The following PPP1R12B variants were observed in gnomAD, a reference collection of about 807,000 sequenced individuals.
PPP1R12B encodes the protein myosin phosphatase target subunit 2.
A neutral mutation model predicts 126.1 loss-of-function variants in PPP1R12B; 76 were observed. That is an observed-to-expected ratio of 0.60 (90% CI 0.50 to 0.73). The LOEUF (loss-of-function observed/expected upper bound fraction) is 0.73, where lower values mean the gene tolerates loss of function less well. Ranked by LOEUF, PPP1R12B falls within the 30% of genes least tolerant of loss-of-function variation. The pLI, the probability that PPP1R12B is intolerant of heterozygous loss-of-function variation, is 0.00. For missense variants in PPP1R12B, 1,052 were observed against 1,205.1 expected (o/e 0.87, Z 1.88); for synonymous variants, 356 against 434.7 (o/e 0.82, Z 2.25).
Position 202,495,342 on chromosome 1 carries a change from C to T in PPP1R12B, c.2195C>T (p.Thr732Met), listed in dbSNP as rs143792888. ...CCAGCTCAGCCAGACAAACCCACCA[C>T]GCCAGCATCTCCTTCTACGTCAAGA... The part of the protein sequence containing the change: ...RCPAQPDKPT[T>M]PASPSTSRPS... The change falls in exon 16 of 24, where the codon ACG (threonine) becomes ATG (methionine). Residue 732 changes from threonine (T) to methionine (M), a missense_variant. Coordinates refer to ENST00000608999, the MANE Select transcript of PPP1R12B (RefSeq NM_002481.4). 5.8e-5 allele frequency: 93 copies of T among 1,597,496 alleles called. No individual in the cohort carries two copies. Among genetic ancestry groups the T allele is most frequent in the African/African-American group, 3.9e-4 (29 of 74,628 alleles).
At chr1:202,574,935 C>A (rs1328627665) in intron 23 of PPP1R12B, 3 of 1,395,004 alleles carry the variant, frequency 2.2e-6, no homozygotes, top group Non-Finnish European at 2.9e-6. Context: ...CTACTTTTCT[C>A]TCCTCTGGTC....
intron 7 of PPP1R12B, 142 bp from the exon 8 acceptor site, chr1:202,431,338 G>A (rs1670159341): frequency 4.7e-6 from 3 of 633,758 alleles, no homozygotes; most frequent in Admixed American, 7.8e-5. Context: ...AAAAATGAAG[G>A]GTTTGGAAGA....
intron 20 of PPP1R12B, among the ~76,000 whole-genome samples, chr1:202,563,824 T>C (rs571720925): frequency 3.3e-5 from 5 of 152,262 alleles, no homozygotes; most frequent in East Asian, 3.9e-4. Context: ...TCCCAGCACG[T>C]TGGGAGGGTG....
At chr1:202,467,444 A>G (rs1256393709) in intron 13 of PPP1R12B, among the ~76,000 whole-genome samples, 2 of 150,934 alleles carry the variant, frequency 1.3e-5, no homozygotes, top group Non-Finnish European at 1.5e-5. Flanking sequence ...CTCATTGTTC[A>G]ATTCCCACCT....
At chr1:202,491,785 T>C (rs1459260674) in intron 14 of PPP1R12B, among the ~76,000 whole-genome samples, 3 of 152,216 alleles carry the variant, frequency 2.0e-5, no homozygotes, top group Admixed American at 2.0e-4. Flanking sequence ...CTCGTTGAAA[T>C]GTGTACATAA....
intron 3 of PPP1R12B, among the ~76,000 whole-genome samples, chr1:202,423,187 G>T (rs1669038659): frequency 1.3e-5 from 2 of 152,154 alleles, no homozygotes; most frequent in Admixed American, 6.5e-5. Flanking sequence ...ATTTGTTAAG[G>T]TGAGGAAGCT....
At chr1:202,459,893 A>G (rs888155365) in intron 13 of PPP1R12B, among the ~76,000 whole-genome samples, 6 of 152,230 alleles carry the variant, frequency 3.9e-5, no homozygotes. Flanking sequence ...ATAGAAACCA[A>G]CAAGGTCATC....
chr1:202,454,410 T>A (rs917650342), intron 13 of PPP1R12B, among the ~76,000 whole-genome samples: 3 of 152,222 alleles, frequency 2.0e-5, no homozygotes, highest in African/African-American at 4.8e-5. Flanking sequence ...CTGGATATGT[T>A]CTAGCATTCA....
chr1:202,558,040 T>C (rs1378331455), intron 18 of PPP1R12B, among the ~76,000 whole-genome samples: 1 of 152,116 alleles, frequency 6.6e-6, no homozygotes, highest in Non-Finnish European at 1.5e-5. Flanking sequence ...CTTCCTCCTC[T>C]TGTCTGTCTT....
At chr1:202,550,841 T>C (rs1686233471) in intron 18 of PPP1R12B, among the ~76,000 whole-genome samples, 1 of 152,226 alleles carries the variant, frequency 6.6e-6, no homozygotes, top group African/African-American at 2.4e-5. Flanking sequence ...ATTATACATA[T>C]AAAATGGCTT....
At chr1:202,367,301 T>C (rs1659406016) in intron 1 of PPP1R12B, among the ~76,000 whole-genome samples, 1 of 152,196 alleles carries the variant, frequency 6.6e-6, no homozygotes, top group Non-Finnish European at 1.5e-5. Flanking sequence ...CATAGTTGGT[T>C]TCTAATCCTG....
chr1:202,349,135 T>C lies in PPP1R12B; in HGVS notation c.284T>C (p.Leu95Pro), dbSNP rs1296833991. The C allele has an allele frequency of 3.7e-6, 6 of 1,613,898 alleles. No individual in the cohort carries two copies. The Admixed American group carries it at 6.7e-5, about 18-fold the overall frequency. ...GTCAACGTGGACGGCTTGACAGCCCTGCACCAGGTAACTCCTTTCTTGGTC... is the reference window on the plus strand; with the variant it reads ...GTCAACGTGGACGGCTTGACAGCCCCGCACCAGGTAACTCCTTTCTTGGTC... ...NTVNVDGLTA[L>P]HQACIDENLD... is the part of the protein sequence containing the mutation. The change falls in exon 1 of 24, where the codon CTG (leucine) becomes CCG (proline). Residue 95 changes from leucine to proline, a missense_variant. Transcript: ENST00000608999.
intron 13 of PPP1R12B, among the ~76,000 whole-genome samples, chr1:202,481,618 A>T (rs577627108): frequency 4.3e-4 from 66 of 152,280 alleles, no homozygotes; most frequent in African/African-American, 1.5e-3. Context: ...CACATTACAT[A>T]TTTATGGAGG....
intron 10 of PPP1R12B, chr1:202,439,116 A>C: frequency 6.4e-7 from 1 of 1,563,478 alleles, no homozygotes. Flanking sequence ...ATGACGTTCG[A>C]GGAGGAGGAG....
Position 202,399,497 on chromosome 1 carries a change from G to A in PPP1R12B, c.292-17290G>A, listed in dbSNP as rs190701732. ...GCTGGGATTACAGGTGTGAGCCACC[G>A]CACCTTTTTTTTTTTTTGAAATGGA... On this transcript the variant is annotated intron_variant, in intron 1 of 23. Transcript: ENST00000608999. Among the ~76,000 whole-genome samples the A allele has an allele frequency of 3.2e-3, 482 of 150,654 alleles. 4 individuals are homozygous for A. The highest frequency in any genetic ancestry group is 4.2e-3 in the Non-Finnish European group (286 of 67,710).
At chr1:202,474,732 G>A (rs1324012174) in intron 13 of PPP1R12B, among the ~76,000 whole-genome samples, 2 of 152,150 alleles carry the variant, frequency 1.3e-5, no homozygotes, top group Admixed American at 1.3e-4. Flanking sequence ...CAGTAGCCAT[G>A]TGTGGCTACT....
At chr1:202,549,094 G>A (rs1378067390) in intron 18 of PPP1R12B, among the ~76,000 whole-genome samples, 1 of 152,050 alleles carries the variant, frequency 6.6e-6, no homozygotes, top group Admixed American at 6.5e-5. Context: ...CCTATTGGGG[G>A]TATGAAAGTG....
Position 202,430,744 on chromosome 1 carries a change from A to G in PPP1R12B, c.935A>G (p.Lys312Arg). The change falls in exon 7 of 24, where the codon AAG (lysine) becomes AGG (arginine). Residue 312 changes from lysine to arginine, a missense_variant. Physicochemically the swap from Lys to Arg is conservative, Grantham distance 26. Transcript: ENST00000608999. ...CTCCATTTCCAGCTTCGAAGTGAAA[A>G]GGAGACACGGAATAAACTCATTGAG... is the stretch of plus-strand genomic sequence containing the variant. ...QKKQNVLRSE[K>R]ETRNKLIESD... is the part of the protein sequence containing the mutation. 1 of 1,612,494 alleles carries G rather than the reference A, an allele frequency of 6.2e-7. No individual in the cohort carries two copies. Among genetic ancestry groups the G allele is most frequent in the Non-Finnish European group, 8.5e-7 (1 of 1,179,092 alleles).
chr1:202,425,259 C>T (rs1669356350), intron 3 of PPP1R12B, among the ~76,000 whole-genome samples: 1 of 152,148 alleles, frequency 6.6e-6, no homozygotes, highest in South Asian at 2.1e-4. Flanking sequence ...AAGTTTATAG[C>T]TTTGTACAAA....
Sources: allele counts gnomAD v4.1 joint callset (sites outside exome capture counted in the v4.1 genomes callset), GRCh38; gene constraint gnomAD v4.1.1; transcripts MANE v1.5; gene names NCBI Gene and HGNC (gene_info 2026-07-23, HGNC 2026-07-21).